APBB1IP: variants seen among roughly 807,000 people sequenced by gnomAD.
The protein encoded by APBB1IP is amyloid beta A4 precursor protein-binding family B member 1-interacting protein.
Under a neutral mutation model 64.9 loss-of-function variants are expected in APBB1IP, and 27 were observed. That is an observed-to-expected ratio of 0.42 (90% CI 0.31 to 0.57). APBB1IP has a LOEUF of 0.57. Ranked by LOEUF, APBB1IP falls within the 20% of genes least tolerant of loss-of-function variation. The pLI is 0.20. For synonymous variants in APBB1IP, 392 were observed against 331.0 expected (o/e 1.18, Z -2.00); for missense variants, 812 against 845.5 (o/e 0.96, Z 0.49).
At chr10:26,454,821 T>C (rs1402652477) in intron 2 of APBB1IP, among the ~76,000 whole-genome samples, 1 of 152,228 alleles carries the variant, frequency 6.6e-6, no homozygotes, top group Non-Finnish European at 1.5e-5. Context: ...CGTACATATA[T>C]ACACCTATGT....
intron 11 of APBB1IP, among the ~76,000 whole-genome samples, chr10:26,549,715 G>T (rs1836807505): frequency 6.6e-6 from 1 of 150,454 alleles, no homozygotes. Context: ...TTTTTTCTTA[G>T]ACTAGCTAAA....
intron 2 of APBB1IP, among the ~76,000 whole-genome samples, chr10:26,475,987 G>A (rs1445545902): frequency 2.0e-5 from 3 of 152,070 alleles, no homozygotes; most frequent in Non-Finnish European, 4.4e-5. Flanking sequence ...CAGCACTTTG[G>A]GAGGCCAAGG....
chr10:26,486,914 G>A lies in APBB1IP; in HGVS notation c.1-5413G>A, dbSNP rs116999559. Among the ~76,000 whole-genome samples, 372 of 152,318 alleles carry A rather than the reference G, an allele frequency of 2.4e-3. 1 individual carries two copies. The highest frequency in any genetic ancestry group is 6.4e-3 in the South Asian group (31 of 4,820). ...TAAGGGAAAGTTTTAGCCTGGACAA[G>A]CGGCTTCAACCACCTCACCCCTCAT... On this transcript the variant is annotated intron_variant, in intron 2 of 14. Coordinates refer to ENST00000376236, the MANE Select transcript of APBB1IP (RefSeq NM_019043.4).
intron 2 of APBB1IP, among the ~76,000 whole-genome samples, chr10:26,467,646 C>T (rs987705076): frequency 6.6e-5 from 10 of 152,062 alleles, no homozygotes; most frequent in African/African-American, 2.2e-4. Context: ...CTGTGAGCTA[C>T]GATCATGCCA....
intron 2 of APBB1IP, among the ~76,000 whole-genome samples, chr10:26,441,525 C>T (rs1278618482): frequency 6.6e-6 from 1 of 152,108 alleles, no homozygotes; most frequent in Non-Finnish European, 1.5e-5. Context: ...CATTTCCTAG[C>T]CAATTTGTGA....
chr10:26,546,082 G>C (rs1836762156), intron 11 of APBB1IP, among the ~76,000 whole-genome samples: 1 of 152,200 alleles, frequency 6.6e-6, no homozygotes, highest in Non-Finnish European at 1.5e-5. Flanking sequence ...TCTGAGTCCT[G>C]GCCCTGTCAC....
chr10:26,538,303 T>C (rs111681641), intron 10 of APBB1IP, among the ~76,000 whole-genome samples: 5,694 of 152,114 alleles, frequency 0.037, 136 homozygotes, highest in South Asian at 0.086. Context: ...GCATAAAATA[T>C]AAAATGTATT....
intron 10 of APBB1IP, 136 bp downstream of exon 10, chr10:26,536,353 G>A (rs1434111341): frequency 1.2e-5 from 11 of 925,916 alleles, no homozygotes; most frequent in African/African-American, 3.4e-5. Context: ...TATACAAATA[G>A]GACAGTATTA....
intron 3 of APBB1IP, among the ~76,000 whole-genome samples, chr10:26,493,241 A>G (rs1048447241): frequency 6.6e-6 from 1 of 152,198 alleles, no homozygotes; most frequent in Non-Finnish European, 1.5e-5. Flanking sequence ...CCCAGATTTC[A>G]TATTGTTTAA....
chr10:26,487,411 TA>T (rs1835905687), intron 2 of APBB1IP, among the ~76,000 whole-genome samples: 1 of 152,196 alleles, frequency 6.6e-6, no homozygotes, highest in Admixed American at 6.5e-5. Context: ...TACAGATTAA[TA>T]ATTTTTGTTA....
intron 6 of APBB1IP, 144 bp downstream of exon 6, chr10:26,503,418 G>C (rs969487377): frequency 7.3e-6 from 5 of 680,772 alleles, no homozygotes; most frequent in Non-Finnish European, 1.2e-5. Context: ...GGTGGATCAT[G>C]AGGTCAGGAG....
rs1837075578 is a variant in APBB1IP, at chr10:26,567,677, T to A, written c.*189T>A. 1 of 1,309,312 alleles carries A rather than the reference T, an allele frequency of 7.6e-7. No individual in the cohort carries two copies. The highest frequency in any genetic ancestry group is 1.6e-5 in the African/African-American group (1 of 64,248). 81.1% of individuals were successfully genotyped at this position (1,309,312 alleles called of 1,614,324 possible). On this transcript the variant is annotated 3_prime_UTR_variant, in exon 15 of 15. Transcript: ENST00000376236. ...CAGAATATCTGCCCAAATGTACATA[T>A]CGTTCCCATGTATTTTAACCTAAAT...
Position 26,492,371 on chromosome 10 carries a change from G to A in APBB1IP, c.45G>A (p.Leu15=). The change falls in exon 3 of 15, where the codon TTG becomes TTA. Residue 15 remains leucine (L), a synonymous_variant. Transcript: ENST00000376236. Reference sequence around the variant, plus strand: ...ACATAGACCAAATGTTCAGCACTTTGCTGGGAGAGATGGATCTTCTGACTC... The same window carrying A: ...ACATAGACCAAATGTTCAGCACTTTACTGGGAGAGATGGATCTTCTGACTC... The part of the protein sequence containing the change: ...SEDIDQMFST[L]LGEMDLLTQS... 6.2e-7 allele frequency: 1 copy of A among 1,613,984 alleles called. No homozygotes were observed. Among genetic ancestry groups the A allele is most frequent in the Non-Finnish European group, 8.5e-7 (1 of 1,179,936 alleles).
At chr10:26,489,414 A>G (rs948343699) in intron 2 of APBB1IP, among the ~76,000 whole-genome samples, 7 of 152,338 alleles carry the variant, frequency 4.6e-5, no homozygotes, top group South Asian at 4.1e-4. Context: ...CGATGGAAAA[A>G]TTAAGCAAGA....
intron 2 of APBB1IP, among the ~76,000 whole-genome samples, chr10:26,474,658 T>C (rs984030884): frequency 2.0e-5 from 3 of 152,214 alleles, no homozygotes; most frequent in African/African-American, 7.2e-5. Context: ...AAGTAAAAAA[T>C]AAATTGTCTT....
chr10:26,503,443 G>C (rs960941769), intron 6 of APBB1IP, among the ~76,000 whole-genome samples, 169 bp downstream of exon 6: 3 of 152,106 alleles, frequency 2.0e-5, no homozygotes, highest in Non-Finnish European at 4.4e-5. Flanking sequence ...AGACCATCCT[G>C]GCTAACATGG....
intron 3 of APBB1IP, among the ~76,000 whole-genome samples, chr10:26,494,992 T>C (rs998400797): frequency 2.0e-5 from 3 of 148,686 alleles, no homozygotes; most frequent in African/African-American, 7.5e-5. Context: ...ACCATATTTC[T>C]TTCTTTCTTT....
At chr10:26,547,396 G>C (rs138172502) in intron 11 of APBB1IP, among the ~76,000 whole-genome samples, 2 of 151,732 alleles carry the variant, frequency 1.3e-5, no homozygotes, top group African/African-American at 4.8e-5. Flanking sequence ...CAGATTCACC[G>C]TTTTGGGTCT....
intron 4 of APBB1IP, among the ~76,000 whole-genome samples, 176 bp downstream of exon 4, chr10:26,496,567 A>G (rs942070081): frequency 1.3e-5 from 2 of 152,176 alleles, no homozygotes; most frequent in African/African-American, 2.4e-5. Flanking sequence ...GAGAGAGTCA[A>G]GAAGACATTT....
Sources: gnomAD v4.1 joint callset for allele counts (sites outside exome capture counted in the v4.1 genomes callset) on GRCh38, gnomAD v4.1.1 for gene constraint, MANE v1.5 for transcripts, NCBI Gene and HGNC (gene_info 2026-07-23, HGNC 2026-07-21) for gene names.